Variants in WNK1 observed in about 807,000 individuals in gnomAD.
WNK1 encodes the protein serine/threonine-protein kinase WNK1.
A neutral mutation model predicts 222.8 loss-of-function variants in WNK1; 38 were observed. That is an observed-to-expected ratio of 0.17 (90% CI 0.13 to 0.22). WNK1 has a LOEUF of 0.22. Ranked by LOEUF, WNK1 falls within the 10% of genes least tolerant of loss-of-function variation. The probability of loss-of-function intolerance (pLI) is 1.00; values close to 1 mark genes in which losing one functional copy is unlikely to be tolerated. For synonymous variants in WNK1, 1,090 were observed against 1,092.9 expected (o/e 1.00, Z 0.05); for missense variants, 2,348 against 2,918.4 (o/e 0.80, Z 4.50).
intron 1 of WNK1, among the ~76,000 whole-genome samples, chr12:796,871 A>G (rs933536140): frequency 4.1e-5 from 5 of 121,360 alleles, no homozygotes; most frequent in African/African-American, 1.3e-4. Flanking sequence ...CAATGCAAGC[A>G]TGATCAATCT....
intron 1 of WNK1, among the ~76,000 whole-genome samples, chr12:802,519 A>G (rs1003284789): frequency 2.6e-5 from 4 of 152,156 alleles, no homozygotes; most frequent in African/African-American, 9.7e-5. Context: ...TTCTATTATG[A>G]TTGATATGGA....
intron 9 of WNK1, among the ~76,000 whole-genome samples, chr12:873,329 T>G (rs1454969452): frequency 6.6e-6 from 1 of 152,100 alleles, no homozygotes; most frequent in Non-Finnish European, 1.5e-5. Context: ...AAGAGAGCAG[T>G]ACCATAAATG....
At chr12:838,913 C>T (rs1949407376) in intron 4 of WNK1, among the ~76,000 whole-genome samples, 1 of 152,100 alleles carries the variant, frequency 6.6e-6, no homozygotes, top group African/African-American at 2.4e-5. Context: ...GTTCATTCAG[C>T]AAATATTCAA....
intron 2 of WNK1, among the ~76,000 whole-genome samples, chr12:821,868 A>G (rs1041796625): frequency 2.0e-5 from 3 of 152,002 alleles, no homozygotes; most frequent in Non-Finnish European, 2.9e-5. Context: ...TACTATTAGC[A>G]TAGAATATCA....
chr12:830,440 C>G (rs183935262), intron 4 of WNK1, among the ~76,000 whole-genome samples: 327 of 152,246 alleles, frequency 2.1e-3, no homozygotes, highest in Non-Finnish European at 3.4e-3. Context: ...TTTTTAACCC[C>G]CTATTAATTC....
intron 1 of WNK1, among the ~76,000 whole-genome samples, chr12:764,008 C>A (rs1941368715): frequency 6.8e-6 from 1 of 147,054 alleles, no homozygotes; most frequent in African/African-American, 2.4e-5. Flanking sequence ...GTTCAATAGG[C>A]AGTTGGATAT....
chr12:896,609 T>C lies in WNK1; in HGVS notation c.6122T>C (p.Leu2041Pro), dbSNP rs938554647. Reference sequence around the variant, plus strand: ...CCCCATCAGCTGAGCTCAAAGAGCCTTCCTAGCCAGAATCTAAGTCAAAGC... The same window carrying C: ...CCCCATCAGCTGAGCTCAAAGAGCCCTCCTAGCCAGAATCTAAGTCAAAGC... The part of the protein sequence containing the change: ...HSPHQLSSKS[L>P]PSQNLSQSLS... Residue 2041 changes from leucine (L) to proline (P), a missense_variant, in exon 24 of 28, where the codon CTT becomes CCT. Physicochemically the swap from Leu to Pro is moderately conservative, Grantham distance 98. Transcript: ENST00000315939. The C allele has an allele frequency of 2.5e-6, 4 of 1,608,858 alleles. No homozygotes were observed. Among genetic ancestry groups the C allele is most frequent in the Admixed American group, 1.7e-5 (1 of 59,236 alleles).
intron 4 of WNK1, among the ~76,000 whole-genome samples, chr12:853,986 A>G (rs1205010025): frequency 6.6e-6 from 1 of 152,074 alleles, no homozygotes; most frequent in Admixed American, 6.5e-5. Context: ...GCTGGGCTCA[A>G]ACGATCCTCC....
In WNK1 at chr12:896,111, A is replaced by T. The variant is rs199778730; in HGVS notation, c.5624A>T (p.Asn1875Ile). ...GACGGTGCCCAGAAAGAGGGTAAAA[A>T]TAAGTCAGAAGATGCAAAGTCTGTT... is the stretch of plus-strand genomic sequence containing the variant. ...AADGAQKEGK[N>I]KSEDAKSVHF... The change falls in exon 24 of 28, where the codon AAT (asparagine) becomes ATT (isoleucine). Residue 1875 changes from asparagine (N) to isoleucine (I), a missense_variant. Asn to Ile is a moderately radical substitution (Grantham distance 149). This residue lies in a region of WNK1 where 1,144 missense variants were observed against 1,273.6 expected (regional missense o/e 0.90). Transcript: ENST00000315939. The T allele has an allele frequency of 6.2e-7, 1 of 1,614,242 alleles. No individual in the cohort carries two copies. The highest frequency in any genetic ancestry group is 8.5e-7 in the Non-Finnish European group (1 of 1,180,052).
At position 813,716 on chromosome 12, in the gene WNK1, C is replaced by T. The variant is rs138325758; in HGVS notation, c.834C>T (p.Pro278=). 3 of 1,613,754 alleles carry T rather than the reference C, an allele frequency of 1.9e-6. No individual in the cohort carries two copies. The highest frequency in any genetic ancestry group is 2.5e-6 in the Non-Finnish European group (3 of 1,179,968). ...AAATGTTAAAAGGTCTTCAGCATCC[C>T]AATATTGTTAGATTTTATGATTCCT... The part of the protein sequence containing the change: ...EAEMLKGLQH[P]NIVRFYDSWE... The change falls in exon 2 of 28, where the codon CCC becomes CCT. Residue 278 remains proline (P), a synonymous_variant. Transcript: ENST00000315939.
rs1264411365 is a variant in WNK1 at position 910,447 on chromosome 12, TC to T, written c.*1659del. The T allele has an allele frequency of 6.6e-6, 1 of 152,138 alleles. No individual in the cohort carries two copies. The highest frequency in any genetic ancestry group is 2.4e-5 in the African/African-American group (1 of 41,416). The allele number at this position is 152,138 out of a possible 1,614,324, so 9.4% of individuals were successfully genotyped here. ...GTTCACATTTTCAAATAAATAATAC[TC>T]CCCGTAAGTAATAACTGCAACCAAT... On this transcript the variant is annotated 3_prime_UTR_variant, in exon 28 of 28. Coordinates refer to ENST00000315939, the MANE Select transcript of WNK1 (RefSeq NM_018979.4).
At chr12:880,353 C>T (rs72649894) in intron 11 of WNK1, among the ~76,000 whole-genome samples, 10 of 152,126 alleles carry the variant, frequency 6.6e-5, no homozygotes, top group African/African-American at 2.4e-4. Context: ...ATGGTATCAA[C>T]AAAAAGCTTC....
intron 1 of WNK1, among the ~76,000 whole-genome samples, chr12:782,164 A>G (rs1943779220): frequency 1.3e-5 from 2 of 152,174 alleles, no homozygotes; most frequent in Non-Finnish European, 2.9e-5. Flanking sequence ...AACTTCTGAG[A>G]TTTTTGGTCT....
Position 885,815 on chromosome 12 carries a change from G to T in WNK1, c.5011G>T (p.Ala1671Ser), listed in dbSNP as rs1056970645. 1 of 1,614,200 alleles carries T rather than the reference G, an allele frequency of 6.2e-7. No homozygotes were observed. Among genetic ancestry groups the T allele is most frequent in the Non-Finnish European group, 8.5e-7 (1 of 1,180,022 alleles). Residue 1671 changes from alanine (A) to serine (S), a missense_variant, in exon 19 of 28, where the codon GCT becomes TCT. Around this residue, in one of 13 missense-constraint regions of WNK1, gnomAD observed 1,144 missense variants for 1,273.6 expected, o/e 0.90. Coordinates refer to ENST00000315939, the MANE Select transcript of WNK1 (RefSeq NM_018979.4). ...SLFSEHSSSG[A>S]QHASVSLETS... The stretch of plus-strand genomic sequence containing the variant: ...GTTCAGTGAACACAGCTCATCTGGA[G>T]CTCAGCATGCCTCTGTCTCACTGGA...
intron 25 of WNK1, among the ~76,000 whole-genome samples, chr12:899,283 C>G (rs1458603111): frequency 2.0e-5 from 3 of 151,542 alleles, no homozygotes; most frequent in Non-Finnish European, 2.9e-5. Flanking sequence ...AATTTCTGAT[C>G]TGATCCCAAT....
intron 1 of WNK1, among the ~76,000 whole-genome samples, chr12:780,234 A>G (rs1458186363): frequency 2.0e-5 from 3 of 152,210 alleles, no homozygotes; most frequent in Non-Finnish European, 4.4e-5. Context: ...AGATTTATTT[A>G]TCAGGAGATG....
intron 4 of WNK1, among the ~76,000 whole-genome samples, chr12:830,935 T>C (rs1329097443): frequency 2.0e-5 from 3 of 152,232 alleles, no homozygotes; most frequent in Non-Finnish European, 4.4e-5. Context: ...TTGTAGTTCT[T>C]AATCTAGAAC....
chr12:868,614 G>C (rs1341950582), intron 8 of WNK1: 5 of 1,613,862 alleles, frequency 3.1e-6, no homozygotes, highest in Non-Finnish European at 4.2e-6. Flanking sequence ...GAGAGCAGAA[G>C]CAACTGTGTA....
intron 26 of WNK1, chr12:906,602 A>C (rs72650801): frequency 7.1e-6 from 7 of 984,922 alleles, no homozygotes; most frequent in Non-Finnish European, 8.4e-6. Flanking sequence ...TCCTTTCCTC[A>C]TGAATAATCT....
Sources: allele counts gnomAD v4.1 joint callset (sites outside exome capture counted in the v4.1 genomes callset), GRCh38; gene constraint gnomAD v4.1.1; regional missense constraint gnomAD v4.1.1; transcripts MANE v1.5; gene names NCBI Gene and HGNC (gene_info 2026-07-23, HGNC 2026-07-21).